SREK1IP1: variants seen among roughly 807,000 people sequenced by gnomAD.
SREK1IP1 encodes SREK1 interacting protein 1, also known as protein SREK1IP1.
SREK1IP1 carries 12 observed loss-of-function variants against 22.8 expected under a neutral mutation model. The observed-to-expected ratio is 0.53, with a 90% CI of 0.34 to 0.85. SREK1IP1 has a LOEUF of 0.85. Ranked by LOEUF, SREK1IP1 falls within the 40% of genes least tolerant of loss-of-function variation. The probability of loss-of-function intolerance (pLI) is 0.02; values close to 1 mark genes in which losing one functional copy is unlikely to be tolerated. For missense variants in SREK1IP1, 147 were observed against 171.8 expected (o/e 0.86, Z 0.81); for synonymous variants, 53 against 52.7 (o/e 1.01, Z -0.02).
Position 64,719,330 on chromosome 5 carries a change from G to C in SREK1IP1, c.*5054C>G, listed in dbSNP as rs1414422648. On this transcript the variant is annotated 3_prime_UTR_variant, in exon 5 of 5. Coordinates refer to ENST00000513458, the MANE Select transcript of SREK1IP1 (RefSeq NM_173829.4). ...ACATTCAAAAATACAATTTTGCAAA[G>C]GTTTAAATACTAAAATTGCTTAAAG... 2.6e-5 allele frequency: 4 copies of C among 152,026 alleles called. No individual in the cohort carries two copies. The East Asian group carries it at 7.7e-4, about 29-fold the overall frequency. 9.4% of individuals were successfully genotyped at this position (152,026 alleles called of 1,614,324 possible). A position where few individuals can be genotyped will look rare whatever the true frequency, so the allele number is the denominator to read the frequency against.
intron 3 of SREK1IP1, 96 bp downstream of exon 3, chr5:64,740,961 T>C: frequency 8.6e-7 from 1 of 1,167,734 alleles, no homozygotes; most frequent in Non-Finnish European, 1.2e-6. Flanking sequence ...TTACATAAAC[T>C]ATAAAAGAGA....
At chr5:64,739,053 T>C (rs1043428878) in intron 3 of SREK1IP1, among the ~76,000 whole-genome samples, 1 of 152,272 alleles carries the variant, frequency 6.6e-6, no homozygotes. Context: ...TGGATTATAT[T>C]TTCCTTGTTC....
chr5:64,742,428 C>T (rs1428545526), intron 2 of SREK1IP1, among the ~76,000 whole-genome samples: 4 of 152,006 alleles, frequency 2.6e-5, no homozygotes, highest in African/African-American at 9.7e-5. Context: ...CCCTAACACA[C>T]AAAAACTGAA....
At position 64,724,415 on chromosome 5, in the gene SREK1IP1, G is replaced by A. The variant is rs1325103737; in HGVS notation, c.437C>T (p.Thr146Ile). The A allele has an allele frequency of 3.8e-6, 6 of 1,579,616 alleles. No homozygotes were observed. In the African/African-American group the frequency reaches 4.1e-5, roughly 11 times the overall value. The change falls in exon 5 of 5, where the codon ACA (threonine) becomes ATA (isoleucine). Residue 146 changes from threonine (T) to isoleucine (I), a missense_variant. Thr to Ile is a moderately conservative substitution (Grantham distance 89, BLOSUM62 -1). Transcript: ENST00000513458. ...TCTGGAGAATTCAGAACTATTAGGT[G>A]TAGAAGAATGCTTTTCCTTTTTTCT... The part of the protein sequence containing the change: ...KKRKKEKHSS[T>I]PNSSEFSRK
intron 2 of SREK1IP1, among the ~76,000 whole-genome samples, chr5:64,747,066 G>A (rs1742650819): frequency 6.6e-6 from 1 of 152,198 alleles, no homozygotes; most frequent in African/African-American, 2.4e-5. Flanking sequence ...AAAAGAAGGG[G>A]CATAGAGCTT....
At position 64,720,159 on chromosome 5, in the gene SREK1IP1, A is replaced by G. The variant is rs1159280485; in HGVS notation, c.*4225T>C. The G allele has an allele frequency of 1.3e-5, 2 of 152,232 alleles. No individual in the cohort carries two copies. The highest frequency in any genetic ancestry group is 2.1e-4 in the South Asian group (1 of 4,838). The allele number at this position is 152,232 out of a possible 1,614,324, so 9.4% of individuals were successfully genotyped here. A position where few individuals can be genotyped will look rare whatever the true frequency, so the allele number is the denominator to read the frequency against. ...TCTAAATGGTTTATTCGGACCTAAC[A>G]AATATTAAAATAGTGATAGAATTTA... On this transcript the variant is annotated 3_prime_UTR_variant, in exon 5 of 5. Transcript: ENST00000513458.
At chr5:64,750,388 TCTGA>T (rs1279481062) in intron 2 of SREK1IP1, among the ~76,000 whole-genome samples, 11 of 152,164 alleles carry the variant, frequency 7.2e-5, no homozygotes, top group African/African-American at 2.7e-4. Context: ...CTTTTACAAG[TCTGA>T]CTCTTTTATA....
chr5:64,763,968 A>G (rs1824353), intron 1 of SREK1IP1, among the ~76,000 whole-genome samples: 25,497 of 152,204 alleles, frequency 0.17, 2,599 homozygotes, highest in Non-Finnish European at 0.23. Flanking sequence ...GAATTGAAAG[A>G]AGGTTAACAT....
intron 3 of SREK1IP1, 65 bp from the exon 4 acceptor site, chr5:64,728,244 T>C (rs1742311202): frequency 3.3e-6 from 4 of 1,211,308 alleles, no homozygotes; most frequent in Non-Finnish European, 3.2e-6. Context: ...TAATATGGCA[T>C]GTATATATGT....
At chr5:64,743,351 TGTA>T (rs1742581019) in intron 2 of SREK1IP1, among the ~76,000 whole-genome samples, 1 of 152,226 alleles carries the variant, frequency 6.6e-6, no homozygotes, top group Admixed American at 6.5e-5. Context: ...AGCCTAGGTG[TGTA>T]GTAGACTATA....
chr5:64,738,622 CA>C (rs1561385999), intron 3 of SREK1IP1, among the ~76,000 whole-genome samples: 1 of 152,052 alleles, frequency 6.6e-6, no homozygotes, highest in African/African-American at 2.4e-5. Flanking sequence ...ATTGTACTGA[CA>C]TAAAGACAGA....
intron 2 of SREK1IP1, among the ~76,000 whole-genome samples, chr5:64,742,148 A>G (rs1170151644): frequency 6.6e-6 from 1 of 151,464 alleles, no homozygotes; most frequent in East Asian, 1.9e-4. Context: ...CTATGTTAAC[A>G]TAACAGGTGT....
In SREK1IP1 at chr5:64,728,188, G is replaced by T. The variant is rs753309709; in HGVS notation, c.206-9C>A. 5.1e-6 allele frequency: 7 copies of T among 1,383,332 alleles called. No homozygotes were observed. The highest frequency in any genetic ancestry group is 6.6e-6 in the Non-Finnish European group (7 of 1,059,956). 85.7% of individuals were successfully genotyped at this position (1,383,332 alleles called of 1,614,324 possible). A position where few individuals can be genotyped will look rare whatever the true frequency, so the allele number is the denominator to read the frequency against. On this transcript the variant is annotated splice_polypyrimidine_tract_variant and intron_variant, in intron 3 of 4. Transcript: ENST00000513458. ...CTCTTCTTCATTTATTCCTGTGGGG[G>T]AGAGGTGAGAAGAAAAAAATCTGGT...
intron 1 of SREK1IP1, among the ~76,000 whole-genome samples, chr5:64,756,371 A>G (rs1240682006): frequency 6.6e-6 from 1 of 152,008 alleles, no homozygotes; most frequent in African/African-American, 2.4e-5. Context: ...TGTCTCTATG[A>G]GTTTGTCTAT....
At chr5:64,749,510 C>A (rs539620894) in intron 2 of SREK1IP1, among the ~76,000 whole-genome samples, 3 of 151,962 alleles carry the variant, frequency 2.0e-5, no homozygotes, top group Non-Finnish European at 4.4e-5. Flanking sequence ...AATCTTAGCT[C>A]ACTACAACCT....
At chr5:64,765,191 C>A (rs867031629) in intron 1 of SREK1IP1, 16 of 152,112 alleles carry the variant, frequency 1.1e-4, no homozygotes, top group African/African-American at 3.1e-4. Context: ...AATATTATTT[C>A]TATAATAACA....
At chr5:64,754,466 T>C in intron 1 of SREK1IP1, 104 bp from the exon 2 acceptor site, 4 of 1,201,520 alleles carry the variant, frequency 3.3e-6, no homozygotes, top group Non-Finnish European at 4.8e-6. Context: ...TTATAGAATT[T>C]CTTTTTTTTT....
At chr5:64,742,862 CTTAG>C (rs1258070833) in intron 2 of SREK1IP1, among the ~76,000 whole-genome samples, 1 of 151,874 alleles carries the variant, frequency 6.6e-6, no homozygotes. Context: ...ATACAAGTTT[CTTAG>C]TTGTTTCTTA....
chr5:64,731,696 T>G (rs1274416246), intron 3 of SREK1IP1, among the ~76,000 whole-genome samples: 1 of 151,878 alleles, frequency 6.6e-6, no homozygotes, highest in African/African-American at 2.4e-5. Context: ...ATAAAAAATG[T>G]GAGTTATTAA....
Sources: allele counts gnomAD v4.1 joint callset (sites outside exome capture counted in the v4.1 genomes callset), GRCh38; gene constraint gnomAD v4.1.1; transcripts MANE v1.5; gene names NCBI Gene and HGNC (gene_info 2026-07-23, HGNC 2026-07-21).